The following GRB14 variants were observed in gnomAD, a reference collection of about 807,000 sequenced individuals.
The protein encoded by GRB14 is growth factor receptor bound protein 14, also known as growth factor receptor-bound protein 14.
GRB14 carries 38 observed loss-of-function variants against 69.1 expected under a neutral mutation model. The ratio of observed to expected loss-of-function variants is 0.55; its 90% confidence interval spans 0.42 to 0.72. The LOEUF is 0.72. GRB14 is among the 30% of genes least tolerant of loss of function. The probability of loss-of-function intolerance (pLI) is 0.00; values close to 1 mark genes in which losing one functional copy is unlikely to be tolerated. For missense variants in GRB14, 666 were observed against 666.1 expected (o/e 1.00, Z 0.00); for synonymous variants, 247 against 241.3 (o/e 1.02, Z -0.22).
chr2:164,524,374 C>G (rs1313318203), intron 5 of GRB14, among the ~76,000 whole-genome samples: 2 of 152,024 alleles, frequency 1.3e-5, no homozygotes, highest in African/African-American at 4.8e-5. Flanking sequence ...ATTGTAATGA[C>G]AATGTCTTTG....
At chr2:164,552,002 G>T (rs552884167) in intron 2 of GRB14, among the ~76,000 whole-genome samples, 1 of 152,208 alleles carries the variant, frequency 6.6e-6, no homozygotes, top group Non-Finnish European at 1.5e-5. Flanking sequence ...GGGAGCAGGG[G>T]TGTCACATGG....
intron 3 of GRB14, among the ~76,000 whole-genome samples, chr2:164,531,673 G>T (rs1687941776): frequency 6.6e-6 from 1 of 152,180 alleles, no homozygotes; most frequent in South Asian, 2.1e-4. Flanking sequence ...AAGGGTTATT[G>T]AAGGAAACTG....
In GRB14 at chr2:164,621,274, C is replaced by A. The variant is rs201133356; in HGVS notation, c.36G>T (p.Ala12=). The A allele has an allele frequency of 1.6e-6, 2 of 1,284,298 alleles. No homozygotes were observed. The highest frequency in any genetic ancestry group is 2.0e-6 in the Non-Finnish European group (2 of 1,015,144). The allele number at this position is 1,284,298 out of a possible 1,614,324, so 79.6% of individuals were successfully genotyped here. A position where few individuals can be genotyped will look rare whatever the true frequency, so the allele number is the denominator to read the frequency against. The part of the protein sequence containing the change: ...TTSLQDGQSA[A]SRAAARDSPL... ...GCGAATCCCGGGCAGCCGCCCTGCT[C>A]GCGGCGCTCTGCCCATCTTGCAGGG... Residue 12 remains alanine, a synonymous_variant, in exon 1 of 14, where the codon GCG becomes GCT. Transcript: ENST00000263915. This position sits in a 1 kb window ranked among gnomAD's most constrained non-coding sequence, Gnocchi z 6.0.
intron 2 of GRB14, among the ~76,000 whole-genome samples, chr2:164,610,278 C>T (rs1443956510): frequency 6.6e-6 from 1 of 152,322 alleles, no homozygotes; most frequent in African/African-American, 2.4e-5. Context: ...ATAAACCTAA[C>T]TAATATTTCC....
intron 2 of GRB14, among the ~76,000 whole-genome samples, chr2:164,619,452 C>G (rs1040529536): frequency 6.6e-6 from 1 of 152,154 alleles, no homozygotes; most frequent in Non-Finnish European, 1.5e-5. Flanking sequence ...TATATATTCT[C>G]TGTTTTAATC....
chr2:164,503,211 A>G (rs1165638058), intron 8 of GRB14, among the ~76,000 whole-genome samples: 2 of 151,446 alleles, frequency 1.3e-5, no homozygotes, highest in African/African-American at 4.8e-5. Flanking sequence ...AAACAATGGA[A>G]TAAACAGCCT....
chr2:164,543,233 G>A (rs965264683), intron 3 of GRB14, among the ~76,000 whole-genome samples: 10 of 151,948 alleles, frequency 6.6e-5, no homozygotes, highest in South Asian at 2.1e-4. Flanking sequence ...CCCGGGAGAC[G>A]GAGGTTGCAG....
At chr2:164,494,114 G>A (rs755742080) in intron 13 of GRB14, among the ~76,000 whole-genome samples, 5 of 152,188 alleles carry the variant, frequency 3.3e-5, no homozygotes, top group Admixed American at 6.5e-5. Flanking sequence ...CTAAAGAGCC[G>A]TTAGTGGAAT....
At chr2:164,590,194 A>T (rs962516170) in intron 2 of GRB14, among the ~76,000 whole-genome samples, 2 of 152,224 alleles carry the variant, frequency 1.3e-5, no homozygotes, top group Admixed American at 1.3e-4. Flanking sequence ...AGGTCACATA[A>T]GGAACTCAGA....
At chr2:164,589,479 T>C (rs1689609675) in intron 2 of GRB14, among the ~76,000 whole-genome samples, 1 of 152,102 alleles carries the variant, frequency 6.6e-6, no homozygotes, top group Admixed American at 6.5e-5. Flanking sequence ...CCCAGGCTGC[T>C]TCCACTAATG....
intron 3 of GRB14, among the ~76,000 whole-genome samples, chr2:164,542,870 C>T (rs191583825): frequency 1.3e-3 from 191 of 152,342 alleles, no homozygotes; most frequent in Admixed American, 2.4e-3. Flanking sequence ...TATCATCCAA[C>T]CCGGCAATCC....
At chr2:164,498,642 C>A (rs1029103936) in intron 9 of GRB14, among the ~76,000 whole-genome samples, 3 of 152,124 alleles carry the variant, frequency 2.0e-5, no homozygotes, top group Non-Finnish European at 4.4e-5. Flanking sequence ...TACTAGCCAG[C>A]CTGCATCTGG....
chr2:164,549,861 CTAAAAATAAAATAAAA>C (rs1688486596), intron 2 of GRB14, among the ~76,000 whole-genome samples: 1 of 124,702 alleles, frequency 8.0e-6, no homozygotes, highest in Non-Finnish European at 1.6e-5. Context: ...GAGACTCCAT[CTAAAAATAAAATAAAA>C]TAAAATAAAA....
intron 2 of GRB14, among the ~76,000 whole-genome samples, chr2:164,585,086 T>A (rs1303148808): frequency 8.6e-4 from 5 of 5,808 alleles, no homozygotes; most frequent in East Asian, 2.9e-3. Flanking sequence ...CATGCCTGGC[T>A]TTTTTTTTTT....
intron 6 of GRB14, among the ~76,000 whole-genome samples, chr2:164,521,749 C>T (rs184516276): frequency 1.2e-3 from 178 of 152,112 alleles, no homozygotes; most frequent in Non-Finnish European, 1.9e-3. Context: ...GAGTAACATA[C>T]GTTGTACTGA....
intron 12 of GRB14, among the ~76,000 whole-genome samples, chr2:164,495,383 T>C (rs1686865543): frequency 6.9e-6 from 1 of 144,248 alleles, no homozygotes; most frequent in Non-Finnish European, 1.5e-5. Context: ...ATTAAATATT[T>C]AAGCAAAATG....
intron 2 of GRB14, 87 bp from the exon 3 acceptor site, chr2:164,547,903 C>A: frequency 1.2e-6 from 1 of 814,792 alleles, no homozygotes; most frequent in South Asian, 2.8e-5. Context: ...AAGTATACAA[C>A]ACGATATTAT....
chr2:164,578,667 CA>C (rs1378310980), intron 2 of GRB14, among the ~76,000 whole-genome samples: 1 of 152,004 alleles, frequency 6.6e-6, no homozygotes, highest in Non-Finnish European at 1.5e-5. Flanking sequence ...CTGATAAAGC[CA>C]AAGGCTGGTA....
At chr2:164,500,024 C>G (rs1239304800) in intron 9 of GRB14, among the ~76,000 whole-genome samples, 1 of 152,082 alleles carries the variant, frequency 6.6e-6, no homozygotes, top group East Asian at 1.9e-4. Flanking sequence ...TTGTAGGGTT[C>G]TTTTATGTTC....
Sources: gnomAD v4.1 joint callset for allele counts (sites outside exome capture counted in the v4.1 genomes callset) on GRCh38, gnomAD v4.1.1 for gene constraint, Gnocchi (gnomAD v3.1) non-coding constraint, MANE v1.5 for transcripts, NCBI Gene and HGNC (gene_info 2026-07-23, HGNC 2026-07-21) for gene names.